The following RBMS3 variants were observed in gnomAD, a reference collection of about 807,000 sequenced individuals.
RBMS3 encodes the protein RNA-binding motif, single-stranded-interacting protein 3.
A neutral mutation model predicts 66.8 loss-of-function variants in RBMS3; 27 were observed. That is an observed-to-expected ratio of 0.40 (90% CI 0.30 to 0.56). The LOEUF (loss-of-function observed/expected upper bound fraction) is 0.56. Ranked by LOEUF, RBMS3 falls within the 20% of genes least tolerant of loss-of-function variation. The probability of loss-of-function intolerance (pLI) is 0.40; values close to 1 mark genes in which losing one functional copy is unlikely to be tolerated. For synonymous variants in RBMS3, 188 were observed against 183.0 expected, an observed-to-expected ratio of 1.03 and a Z score of -0.22; for missense variants, 513 against 549.5, an observed-to-expected ratio of 0.93 and a Z score of 0.66.
intron 3 of RBMS3, among the ~76,000 whole-genome samples, chr3:29,508,662 C>T (rs1027143236): frequency 1.3e-5 from 2 of 151,760 alleles, no homozygotes; most frequent in Non-Finnish European, 2.9e-5. Flanking sequence ...AGTAAACATA[C>T]GTGCGCTTTT....
chr3:29,437,773 C>A (rs1248589683), intron 2 of RBMS3, among the ~76,000 whole-genome samples: 4 of 152,150 alleles, frequency 2.6e-5, no homozygotes, highest in Non-Finnish European at 4.4e-5. Context: ...TGGTTTCCCC[C>A]ATATACAAAA....
chr3:29,533,149 T>G (rs1559445642), intron 3 of RBMS3, among the ~76,000 whole-genome samples: 2 of 152,182 alleles, frequency 1.3e-5, no homozygotes, highest in African/African-American at 2.4e-5. Context: ...AGGTTCATTT[T>G]AATGCAGTTA....
intron 10 of RBMS3, chr3:29,933,809 G>T (rs905910290): frequency 2.0e-5 from 3 of 151,942 alleles, no homozygotes; most frequent in African/African-American, 7.3e-5. Flanking sequence ...TTGATTGTCA[G>T]GTTTCTGGTT....
chr3:29,419,965 T>A (rs1408465915), intron 1 of RBMS3, among the ~76,000 whole-genome samples: 1 of 152,198 alleles, frequency 6.6e-6, no homozygotes, highest in Admixed American at 6.5e-5. Context: ...CTGTCTCAAT[T>A]TAGCTTCTTA....
intron 12 of RBMS3, among the ~76,000 whole-genome samples, chr3:29,956,195 G>A (rs889556956): frequency 6.6e-6 from 1 of 152,000 alleles, no homozygotes; most frequent in Non-Finnish European, 1.5e-5. Flanking sequence ...ACAGTTCTTT[G>A]TAAGATGTGT....
chr3:29,774,760 C>T (rs940071029), intron 6 of RBMS3, among the ~76,000 whole-genome samples: 3 of 151,986 alleles, frequency 2.0e-5, no homozygotes, highest in Non-Finnish European at 4.4e-5. Flanking sequence ...AATATGGAAG[C>T]AAATGTTAGA....
intron 1 of RBMS3, among the ~76,000 whole-genome samples, chr3:29,337,439 G>A (rs983311907): frequency 1.3e-5 from 2 of 152,000 alleles, no homozygotes; most frequent in African/African-American, 2.4e-5. Context: ...AGGAGTTGGC[G>A]ACTAGCCTAG....
intron 1 of RBMS3, among the ~76,000 whole-genome samples, chr3:29,307,736 C>A (rs2034105037): frequency 6.6e-6 from 1 of 151,884 alleles, no homozygotes; most frequent in African/African-American, 2.4e-5. Flanking sequence ...TTACAATAAT[C>A]CAAAGGTAGT....
At chr3:29,735,443 T>G (rs767765148) in intron 4 of RBMS3, among the ~76,000 whole-genome samples, 20 of 152,116 alleles carry the variant, frequency 1.3e-4, no homozygotes, top group Non-Finnish European at 2.5e-4. Context: ...CTTGTACAAA[T>G]GAAAAAATGT....
At chr3:29,342,561 A>G (rs1328894691) in intron 1 of RBMS3, among the ~76,000 whole-genome samples, 3 of 152,188 alleles carry the variant, frequency 2.0e-5, no homozygotes, top group Non-Finnish European at 4.4e-5. Flanking sequence ...GCTAATTTAA[A>G]GCTTGGATCG....
intron 3 of RBMS3, among the ~76,000 whole-genome samples, chr3:29,560,693 A>C (rs1470567454): frequency 6.6e-6 from 1 of 152,260 alleles, no homozygotes; most frequent in Non-Finnish European, 1.5e-5. Flanking sequence ...GGGTGACTGA[A>C]ATTAAAGATG....
intron 1 of RBMS3, among the ~76,000 whole-genome samples, chr3:29,319,875 G>A (rs951544722): frequency 2.6e-5 from 4 of 151,990 alleles, no homozygotes; most frequent in Non-Finnish European, 4.4e-5. Flanking sequence ...GACATAGGAA[G>A]CACCCTTTCC....
At chr3:29,768,325 A>T (rs1258295007) in intron 6 of RBMS3, among the ~76,000 whole-genome samples, 1 of 151,938 alleles carries the variant, frequency 6.6e-6, no homozygotes, top group Admixed American at 6.6e-5. Context: ...CAACCTTTCT[A>T]TGGAGCCACA....
At chr3:29,488,885 C>T (rs2043422518) in intron 3 of RBMS3, among the ~76,000 whole-genome samples, 1 of 152,152 alleles carries the variant, frequency 6.6e-6, no homozygotes. Context: ...TTCTTTAAAG[C>T]TTTAGCAACA....
chr3:29,322,097 C>T (rs966681531), intron 1 of RBMS3, among the ~76,000 whole-genome samples: 16 of 152,002 alleles, frequency 1.1e-4, no homozygotes, highest in African/African-American at 3.4e-4. Context: ...CTAAAGGATG[C>T]TCCATCTATG....
intron 8 of RBMS3, among the ~76,000 whole-genome samples, chr3:29,884,469 T>TCTCTCTCTCTCC (rs1553692501): frequency 9.0e-5 from 6 of 66,346 alleles, no homozygotes; most frequent in African/African-American, 3.1e-4. Context: ...TCTCTCTCTC[T>TCTCTCTCTCTCC]CCCCCCCCGC....
At chr3:29,729,901 C>T (rs1159239986) in intron 4 of RBMS3, among the ~76,000 whole-genome samples, 1 of 151,996 alleles carries the variant, frequency 6.6e-6, no homozygotes, top group Non-Finnish European at 1.5e-5. Flanking sequence ...CCTCAGCTTT[C>T]TCACATGTAA....
intron 4 of RBMS3, among the ~76,000 whole-genome samples, chr3:29,619,846 G>A (rs1208850835): frequency 2.6e-5 from 4 of 151,930 alleles, no homozygotes; most frequent in East Asian, 1.9e-4. Context: ...TTAAGTTGTC[G>A]AGTCTGGCAC....
intron 12 of RBMS3, among the ~76,000 whole-genome samples, chr3:29,965,256 G>A (rs1039655673): frequency 1.3e-5 from 2 of 152,030 alleles, no homozygotes; most frequent in Admixed American, 6.6e-5. Flanking sequence ...TGGGATTGCT[G>A]GATCAAATGG....
Sources: allele counts gnomAD v4.1 joint callset (sites outside exome capture counted in the v4.1 genomes callset), GRCh38; gene constraint gnomAD v4.1.1; transcripts MANE v1.5; gene names NCBI Gene and HGNC (gene_info 2026-07-23, HGNC 2026-07-21).